Variants in PCDHGA10 observed in about 807,000 individuals in gnomAD.
PCDHGA10 encodes the protein protocadherin gamma-A10.
In PCDHGA10, 42 loss-of-function variants were observed where a neutral mutation model predicts 59.5. That is an observed-to-expected ratio of 0.71 (90% CI 0.55 to 0.91). The LOEUF (loss-of-function observed/expected upper bound fraction) is 0.91. Ranked by LOEUF, PCDHGA10 falls within the 40% of genes least tolerant of loss-of-function variation. The pLI, the probability that PCDHGA10 is intolerant of heterozygous loss-of-function variation, is 0.00. For missense variants in PCDHGA10, 1,111 were observed against 1,198.2 expected, an observed-to-expected ratio of 0.93 and a Z score of 1.07; for synonymous variants, 511 against 517.2, an observed-to-expected ratio of 0.99 and a Z score of 0.16.
intron 1 of PCDHGA10, among the ~76,000 whole-genome samples, chr5:141,481,161 A>G (rs2099532805): frequency 6.6e-6 from 1 of 152,230 alleles, no homozygotes; most frequent in African/African-American, 2.4e-5. Flanking sequence ...GTATTTGCAG[A>G]ACCAGAATCC....
Position 141,477,167 on chromosome 5 carries a change from G to C in PCDHGA10, c.2437-17640G>C. The C allele has an allele frequency of 6.2e-7, 1 of 1,614,166 alleles. No individual in the cohort carries two copies. Among genetic ancestry groups the C allele is most frequent in the South Asian group, 1.1e-5 (1 of 91,076 alleles). ...TGTGGATGTGAATGACAACGCCCCG[G>C]AGATCACAGTCACCTCCGTGTACAG... On this transcript the variant is annotated intron_variant, in intron 1 of 3. Coordinates refer to ENST00000398610, the MANE Select transcript of PCDHGA10 (RefSeq NM_018913.3). The surrounding 1 kb of genome is among the most constrained non-coding windows in gnomAD (Gnocchi z 4.9).
chr5:141,436,659 G>A (rs771567212), intron 1 of PCDHGA10, among the ~76,000 whole-genome samples: 3 of 152,136 alleles, frequency 2.0e-5, no homozygotes, highest in Non-Finnish European at 2.9e-5. Flanking sequence ...GCCATTTTTA[G>A]TGGTTGACCA....
rs771313271 is a variant in PCDHGA10 at position 141,477,861 on chromosome 5, G to C, written c.2437-16946G>C. 1.2e-6 allele frequency: 2 copies of C among 1,612,714 alleles called. No individual in the cohort carries two copies. Among genetic ancestry groups the C allele is most frequent in the South Asian group, 1.1e-5 (1 of 90,968 alleles). On this transcript the variant is annotated intron_variant, in intron 1 of 3. Transcript: ENST00000398610. The surrounding 1 kb of genome is among the most constrained non-coding windows in gnomAD (Gnocchi z 4.9). ...GGGAGCTCGGTGGAGATGCTGCCTC[G>C]AGGTACCTCAGCTGGCCACCTAGTG...
At chr5:141,452,966 G>T (rs996204633) in intron 1 of PCDHGA10, among the ~76,000 whole-genome samples, 6 of 152,098 alleles carry the variant, frequency 3.9e-5, no homozygotes, top group Admixed American at 1.3e-4. Context: ...TAAACTGAGG[G>T]TATATTGTCA....
At chr5:141,446,822 A>G (rs976227044) in intron 1 of PCDHGA10, among the ~76,000 whole-genome samples, 1 of 152,206 alleles carries the variant, frequency 6.6e-6, no homozygotes, top group African/African-American at 2.4e-5. Flanking sequence ...TCAGATGGGT[A>G]GATCCTTATA....
rs1486791355 is a variant in PCDHGA10 at position 141,476,804 on chromosome 5, A to G, written c.2437-18003A>G. Reference sequence around the variant, plus strand: ...CCCAGCTCTCTCCGCCAGCCTGCCTATTCACATCAAGGTGCTGGACGCGAA... The same window carrying G: ...CCCAGCTCTCTCCGCCAGCCTGCCTGTTCACATCAAGGTGCTGGACGCGAA... On this transcript the variant is annotated intron_variant, in intron 1 of 3. Coordinates refer to ENST00000398610, the MANE Select transcript of PCDHGA10 (RefSeq NM_018913.3). The surrounding 1 kb of genome is among the most constrained non-coding windows in gnomAD (Gnocchi z 7.6). 5 of 1,613,476 alleles carry G rather than the reference A, an allele frequency of 3.1e-6. No individual in the cohort carries two copies. Among genetic ancestry groups the G allele is most frequent in the South Asian group, 2.2e-5 (2 of 91,080 alleles).
chr5:141,418,589 C>G lies in PCDHGA10; in HGVS notation c.2436+2978C>G, dbSNP rs184213052. ...CAATGACAACCCCCCAGTGTTCAGC[C>G]AGGACGTGTACAGGGTTAGCCTTCG... On this transcript the variant is annotated intron_variant, in intron 1 of 3. Transcript: ENST00000398610. 5.5e-4 allele frequency: 884 copies of G among 1,614,012 alleles called. 4 individuals carry two copies. Among genetic ancestry groups the G allele is most frequent in the South Asian group, 4.0e-3 (361 of 91,086 alleles).
At chr5:141,503,335 G>A (rs111643076) in intron 2 of PCDHGA10, among the ~76,000 whole-genome samples, 108 of 152,220 alleles carry the variant, frequency 7.1e-4, no homozygotes, top group African/African-American at 2.4e-3. Context: ...GGTGGCTCAC[G>A]CCTGTAATTC....
rs751874380 is a variant in PCDHGA10 at position 141,486,055 on chromosome 5, C to A, written c.2437-8752C>A. ...CTGATCGTGTAAGAAACCTCTTTAG[C>A]CTGCACCCCACTACTGGAAAGCTTA... On this transcript the variant is annotated intron_variant, in intron 1 of 3. Transcript: ENST00000398610. The surrounding 1 kb of genome is among the most constrained non-coding windows in gnomAD (Gnocchi z 5.0). The A allele has an allele frequency of 6.2e-7, 1 of 1,614,170 alleles. No individual in the cohort carries two copies. Among genetic ancestry groups the A allele is most frequent in the South Asian group, 1.1e-5 (1 of 91,072 alleles).
intron 1 of PCDHGA10, among the ~76,000 whole-genome samples, chr5:141,445,700 A>G (rs2098474731): frequency 6.6e-6 from 1 of 152,216 alleles, no homozygotes; most frequent in Non-Finnish European, 1.5e-5. Flanking sequence ...TAAAAAAGAA[A>G]TTGTCAGGCA....
In PCDHGA10 at chr5:141,431,318, G is replaced by T. The variant is rs1309389474; in HGVS notation, c.2436+15707G>T. The T allele has an allele frequency of 6.2e-7, 1 of 1,614,086 alleles. No individual in the cohort carries two copies. Among genetic ancestry groups the T allele is most frequent in the African/African-American group, 1.3e-5 (1 of 75,050 alleles). ...CTCCCTCATCGTGCAAAATGGAGCCGACGGTAGTAAGTACCCCGAATTGGT... is the reference window on the plus strand; with the variant it reads ...CTCCCTCATCGTGCAAAATGGAGCCTACGGTAGTAAGTACCCCGAATTGGT... On this transcript the variant is annotated intron_variant, in intron 1 of 3. Coordinates refer to ENST00000398610, the MANE Select transcript of PCDHGA10 (RefSeq NM_018913.3). The surrounding 1 kb of genome is among the most constrained non-coding windows in gnomAD (Gnocchi z 4.8).
chr5:141,496,981 T>A (rs928774783), intron 2 of PCDHGA10, among the ~76,000 whole-genome samples: 1 of 150,304 alleles, frequency 6.7e-6, no homozygotes, highest in African/African-American at 2.5e-5. Context: ...AGGTCAGGGG[T>A]TTGAGACCAG....
chr5:141,460,834 A>G (rs757757290), intron 1 of PCDHGA10, among the ~76,000 whole-genome samples: 11 of 151,874 alleles, frequency 7.2e-5, no homozygotes, highest in Non-Finnish European at 1.3e-4. Context: ...CACTTAAAGT[A>G]ATGGCCTCCA....
chr5:141,494,778 CA>C (rs1228639033), intron 1 of PCDHGA10, 28 bp from the exon 2 acceptor site: 1 of 1,614,086 alleles, frequency 6.2e-7, no homozygotes, highest in Admixed American at 1.7e-5. Flanking sequence ...CACGGGTACT[CA>C]GCCCCTTTCC....
Position 141,491,713 on chromosome 5 carries a change from G to T in PCDHGA10, c.2437-3094G>T. The T allele has an allele frequency of 6.2e-7, 1 of 1,609,174 alleles. No individual in the cohort carries two copies. The highest frequency in any genetic ancestry group is 8.5e-7 in the Non-Finnish European group (1 of 1,178,054). On this transcript the variant is annotated intron_variant, in intron 1 of 3. Transcript: ENST00000398610. The surrounding 1 kb of genome is among the most constrained non-coding windows in gnomAD (Gnocchi z 6.9). ...GGAGCGGAGCCAGGTGAGGGGCTCG[G>T]CGCCGCCCCGGGCGACCCCTGGGGG...
chr5:141,422,166 T>G (rs370704205), intron 1 of PCDHGA10: 30 of 1,569,256 alleles, frequency 1.9e-5, no homozygotes, highest in Non-Finnish European at 2.5e-5. Flanking sequence ...TTGAAAAATA[T>G]AGATTCTATG....
intron 1 of PCDHGA10, chr5:141,423,469 C>G: frequency 3.1e-6 from 5 of 1,613,948 alleles, no homozygotes; most frequent in Non-Finnish European, 4.2e-6. Flanking sequence ...GGACGGGGTA[C>G]AGGCTTTCCT....
rs2095831464 is a variant in PCDHGA10, at chr5:141,415,121, C to T, written c.1946C>T (p.Ala649Val). 1 of 1,613,522 alleles carries T rather than the reference C, an allele frequency of 6.2e-7. No individual in the cohort carries two copies. Among genetic ancestry groups the T allele is most frequent in the South Asian group, 1.1e-5 (1 of 91,082 alleles). The change falls in exon 1 of 4, where the codon GCC (alanine) becomes GTC (valine). Residue 649 changes from alanine to valine, a missense_variant. Physicochemically the swap from Ala to Val is moderately conservative, Grantham distance 64. Coordinates refer to ENST00000398610, the MANE Select transcript of PCDHGA10 (RefSeq NM_018913.3). ...GCGCTCAAGCAAAGCCTCGTAGTGG[C>T]CGTCCAGGACCACGGCCAGCCCCCT... ...RDALKQSLVV[A>V]VQDHGQPPLS...
chr5:141,433,354 T>TCTGC, intron 1 of PCDHGA10: 2 of 602,322 alleles, frequency 3.3e-6, no homozygotes, highest in South Asian at 2.1e-5. Context: ...CCACCTACTG[T>TCTGC]CTGCCTATCT....
Sources: allele counts gnomAD v4.1 joint callset (sites outside exome capture counted in the v4.1 genomes callset), GRCh38; gene constraint gnomAD v4.1.1; non-coding constraint Gnocchi (gnomAD v3.1); transcripts MANE v1.5; gene names NCBI Gene and HGNC (gene_info 2026-07-23, HGNC 2026-07-21).